Variants in ST3GAL2 observed in about 807,000 individuals in gnomAD.
ST3GAL2 encodes ST3 beta-galactoside alpha-2,3-sialyltransferase 2.
ST3GAL2 carries 16 observed loss-of-function variants against 37.5 expected under a neutral mutation model. The ratio of observed to expected loss-of-function variants is 0.43; its 90% CI spans 0.29 to 0.65. The LOEUF (loss-of-function observed/expected upper bound fraction) is 0.65. Among genes scored for constraint, ST3GAL2 ranks in the 30% least tolerant of loss-of-function variants. ST3GAL2 has a pLI of 0.17. For missense variants in ST3GAL2, 383 were observed against 487.8 expected, an observed-to-expected ratio of 0.79 and a Z score of 2.02; for synonymous variants, 238 against 202.9, an observed-to-expected ratio of 1.17 and a Z score of -1.47.
chr16:70,396,081 C>T (rs536216914), intron 2 of ST3GAL2, among the ~76,000 whole-genome samples: 122 of 151,616 alleles, frequency 8.0e-4, no homozygotes, highest in African/African-American at 2.9e-3. Context: ...AAGGGATTCT[C>T]CTGCCTCAGC....
Position 70,394,965 on chromosome 16 carries a change from G to A in ST3GAL2, c.533+17C>T, listed in dbSNP as rs756839850. On this transcript the variant is annotated intron_variant, in intron 3 of 6. Coordinates refer to ENST00000342907, the MANE Select transcript of ST3GAL2 (RefSeq NM_006927.4). ...AGGCCCATCCTGAGCCCACCCTTGG[G>A]CTCCACAGGGGCTCACCTCATGATG... is the stretch of plus-strand genomic sequence containing the variant. 6.2e-7 allele frequency: 1 copy of A among 1,608,186 alleles called. No homozygotes were observed. Among genetic ancestry groups the A allele is most frequent in the Non-Finnish European group, 8.5e-7 (1 of 1,178,182 alleles).
At chr16:70,385,332 T>G (rs755746951) in intron 4 of ST3GAL2, among the ~76,000 whole-genome samples, 1 of 151,642 alleles carries the variant, frequency 6.6e-6, no homozygotes, top group Non-Finnish European at 1.5e-5. Context: ...CAAAAAAGAA[T>G]AGTTAAATCA....
chr16:70,436,149 C>T (rs1289522614), intron 1 of ST3GAL2, among the ~76,000 whole-genome samples: 3 of 145,172 alleles, frequency 2.1e-5, no homozygotes, highest in Non-Finnish European at 3.0e-5. Context: ...GACATCTGGC[C>T]AGGAGCGGTG....
chr16:70,399,127 A>G lies in ST3GAL2; in HGVS notation c.-597T>C, dbSNP rs1278798800. On this transcript the variant is annotated 5_prime_UTR_variant, in exon 2 of 7. Transcript: ENST00000342907. ...GCCAGACCCCAACCCTGAGAGGACAAAAACAGGAAGCTCTGTGAGTGTGGG... is the reference window on the plus strand; with the variant it reads ...GCCAGACCCCAACCCTGAGAGGACAGAAACAGGAAGCTCTGTGAGTGTGGG... 3 of 399,878 alleles carry G rather than the reference A, an allele frequency of 7.5e-6. No individual in the cohort carries two copies. The highest frequency in any genetic ancestry group is 1.3e-5 in the Non-Finnish European group (3 of 227,122). 24.8% of individuals were successfully genotyped at this position (399,878 alleles called of 1,614,324 possible).
At chr16:70,391,550 G>C (rs2047482071) in intron 3 of ST3GAL2, among the ~76,000 whole-genome samples, 1 of 152,168 alleles carries the variant, frequency 6.6e-6, no homozygotes, top group Non-Finnish European at 1.5e-5. Flanking sequence ...GTGTCCTATG[G>C]TCACACTGAC....
chr16:70,381,504 A>T lies in ST3GAL2; in HGVS notation c.*185T>A. 1.5e-6 allele frequency: 1 copy of T among 675,188 alleles called. No individual in the cohort carries two copies. 41.8% of individuals were successfully genotyped at this position (675,188 alleles called of 1,614,324 possible). A position where few individuals can be genotyped will look rare whatever the true frequency, so the allele number is the denominator to read the frequency against. On this transcript the variant is annotated 3_prime_UTR_variant, in exon 7 of 7. Coordinates refer to ENST00000342907, the MANE Select transcript of ST3GAL2 (RefSeq NM_006927.4). ...TCACATGATTGGCTGGGAGAAACAG[A>T]AGCTCCGCCCGACCGCAGCGCAGAT...
rs1351145567 is a variant in ST3GAL2, at chr16:70,388,550, C to T, written c.534-4G>A. ...CACGGTTGGCGCCTGATTCATCCTG[C>T]AGGGACAAGAGGGTGACATGAGAAT... On this transcript the variant is annotated splice_polypyrimidine_tract_variant and splice_region_variant and intron_variant, in intron 3 of 6. Transcript: ENST00000342907. 1.3e-6 allele frequency: 2 copies of T among 1,575,724 alleles called. No individual in the cohort carries two copies. Among genetic ancestry groups the T allele is most frequent in the African/African-American group, 2.7e-5 (2 of 73,980 alleles).
chr16:70,400,957 G>C (rs1480607526), intron 1 of ST3GAL2: 3 of 152,320 alleles, frequency 2.0e-5, no homozygotes, highest in Non-Finnish European at 4.4e-5. Flanking sequence ...CCCACTCTAG[G>C]CATGGCCTTG....
At chr16:70,395,251 C>T in intron 2 of ST3GAL2, 76 bp from the exon 3 acceptor site, 1 of 1,356,160 alleles carries the variant, frequency 7.4e-7, no homozygotes, top group Non-Finnish European at 1.0e-6. Context: ...GGCCTCCCCT[C>T]CTCTGCCCTC....
intron 2 of ST3GAL2, among the ~76,000 whole-genome samples, chr16:70,397,027 C>T (rs994856852): frequency 8.5e-5 from 12 of 141,266 alleles, no homozygotes; most frequent in African/African-American, 1.8e-4. Flanking sequence ...AGTCCCTGCA[C>T]GGCTTTCTTT....
chr16:70,405,657 A>G (rs1046375926), intron 1 of ST3GAL2, among the ~76,000 whole-genome samples: 1 of 152,086 alleles, frequency 6.6e-6, no homozygotes, highest in African/African-American at 2.4e-5. Flanking sequence ...CAGACAGTAG[A>G]TTACCAGTTG....
intron 4 of ST3GAL2, among the ~76,000 whole-genome samples, chr16:70,386,802 C>T (rs770088973): frequency 4.6e-5 from 7 of 152,154 alleles, no homozygotes; most frequent in Non-Finnish European, 1.0e-4. Context: ...CATGCCACCA[C>T]GCCTAGCTAA....
chr16:70,403,394 C>A (rs920090284), intron 1 of ST3GAL2, among the ~76,000 whole-genome samples: 3 of 152,200 alleles, frequency 2.0e-5, no homozygotes, highest in African/African-American at 7.2e-5. Context: ...TTTAAGATGT[C>A]TTTTAGGCCA....
chr16:70,386,536 C>CA (rs1456551911), intron 4 of ST3GAL2, among the ~76,000 whole-genome samples: 2 of 152,108 alleles, frequency 1.3e-5, no homozygotes, highest in African/African-American at 4.8e-5. Context: ...GACAAGGTTT[C>CA]ACCATGTTGG....
intron 1 of ST3GAL2, among the ~76,000 whole-genome samples, chr16:70,423,669 C>T (rs1387718899): frequency 6.7e-6 from 1 of 149,142 alleles, no homozygotes. Context: ...TGGAATGACT[C>T]AATGATTTTT....
intron 1 of ST3GAL2, among the ~76,000 whole-genome samples, chr16:70,413,263 A>T (rs1453450786): frequency 6.7e-6 from 1 of 149,934 alleles, no homozygotes; most frequent in African/African-American, 2.5e-5. Context: ...AAAAAAAAAA[A>T]AAGTTAGCTG....
At chr16:70,395,586 T>C (rs1286933711) in intron 2 of ST3GAL2, among the ~76,000 whole-genome samples, 2 of 152,068 alleles carry the variant, frequency 1.3e-5, no homozygotes, top group Non-Finnish European at 2.9e-5. Context: ...AGGACTGGGG[T>C]TGCAGAAGCC....
intron 1 of ST3GAL2, among the ~76,000 whole-genome samples, chr16:70,407,171 C>A (rs1415209466): frequency 6.7e-6 from 1 of 148,198 alleles, no homozygotes; most frequent in East Asian, 2.0e-4. Flanking sequence ...TATGGAGTCT[C>A]ACTCGGTTGC....
chr16:70,386,044 G>C (rs1366170586), intron 4 of ST3GAL2, among the ~76,000 whole-genome samples: 1 of 151,654 alleles, frequency 6.6e-6, no homozygotes, highest in Non-Finnish European at 1.5e-5. Context: ...TTGTTTTTTT[G>C]AGACGGAATC....
Sources: allele counts gnomAD v4.1 joint callset (sites outside exome capture counted in the v4.1 genomes callset), GRCh38; gene constraint gnomAD v4.1.1; transcripts MANE v1.5; gene names NCBI Gene and HGNC (gene_info 2026-07-23, HGNC 2026-07-21).